PKHD1L1: variants seen among roughly 807,000 people sequenced by gnomAD.
The protein encoded by PKHD1L1 is fibrocystin-L.
PKHD1L1 carries 434 observed loss-of-function variants against 462.9 expected under a neutral mutation model. The observed-to-expected ratio is 0.94, with a 90% CI of 0.87 to 1.02. The LOEUF (loss-of-function observed/expected upper bound fraction) is 1.02, where lower values mean the gene tolerates loss of function less well. PKHD1L1 is among the 50% of genes least tolerant of loss of function. The pLI is 0.00. For synonymous variants in PKHD1L1, 1,781 were observed against 1,750.0 expected (o/e 1.02, Z -0.44); for missense variants, 5,202 against 5,096.1 (o/e 1.02, Z -0.63).
rs749591398 is a variant in PKHD1L1, at chr8:109,362,552, G to A, written c.-29G>A. 4 of 1,581,280 alleles carry A rather than the reference G, an allele frequency of 2.5e-6. No homozygotes were observed. The Admixed American group carries it at 5.4e-5, about 21-fold the overall frequency. On this transcript the variant is annotated 5_prime_UTR_variant, in exon 1 of 78. Coordinates refer to ENST00000378402, the MANE Select transcript of PKHD1L1 (RefSeq NM_177531.6). ...GCACTAGAGCCAGCTGCGAGCGGAGGGCACCAACTCCGCAGAACTGGCTTT... is the reference window on the plus strand; with the variant it reads ...GCACTAGAGCCAGCTGCGAGCGGAGAGCACCAACTCCGCAGAACTGGCTTT...
chr8:109,387,345 G>A (rs1332830728), intron 6 of PKHD1L1, among the ~76,000 whole-genome samples: 2 of 152,160 alleles, frequency 1.3e-5, no homozygotes, highest in Non-Finnish European at 2.9e-5. Context: ...AAATAGGGTG[G>A]TTTTACTCTA....
rs531564610 is a variant in PKHD1L1 at position 109,535,361 on chromosome 8, T to G, written c.*5271T>G. On this transcript the variant is annotated 3_prime_UTR_variant, in exon 78 of 78. Coordinates refer to ENST00000378402, the MANE Select transcript of PKHD1L1 (RefSeq NM_177531.6). Reference sequence around the variant, plus strand: ...ATAAATTCTTAGGAAGAAAATAAATTTATTAAGTTTTTCACATCAAAAATT... The same window carrying G: ...ATAAATTCTTAGGAAGAAAATAAATGTATTAAGTTTTTCACATCAAAAATT... Among the ~76,000 whole-genome samples the G allele has an allele frequency of 2.6e-5, 4 of 152,332 alleles. No individual in the cohort carries two copies. In the East Asian group the frequency reaches 7.7e-4, roughly 29 times the overall value.
Position 109,448,506 on chromosome 8 carries a change from T to G in PKHD1L1, c.6025+115T>G, listed in dbSNP as rs1457808203. ...ACACATAAAATTTCTAGTGTTTTTT[T>G]TGTTTGTTTGGTTTTTTTTTTTTGA... On this transcript the variant is annotated intron_variant, in intron 39 of 77. Transcript: ENST00000378402. The G allele has an allele frequency of 4.1e-6, 5 of 1,220,466 alleles. No individual in the cohort carries two copies. The African/African-American group carries it at 5.0e-5, about 12-fold the overall frequency. 75.6% of individuals were successfully genotyped at this position (1,220,466 alleles called of 1,614,324 possible). A position where few individuals can be genotyped will look rare whatever the true frequency, so the allele number is the denominator to read the frequency against.
intron 43 of PKHD1L1, 60 bp downstream of exon 43, chr8:109,452,934 T>C: frequency 2.4e-6 from 3 of 1,240,054 alleles, no homozygotes; most frequent in Non-Finnish European, 3.1e-6. Flanking sequence ...GTGAAACTGA[T>C]TTAATCAAAA....
At chr8:109,421,605 AC>A (rs1485067743) in intron 23 of PKHD1L1, among the ~76,000 whole-genome samples, 9 of 151,842 alleles carry the variant, frequency 5.9e-5, no homozygotes, top group South Asian at 2.1e-4. Flanking sequence ...ACATGGTGAA[AC>A]CCCATCTCCA....
At chr8:109,379,464 A>G (rs745889162) in intron 2 of PKHD1L1, among the ~76,000 whole-genome samples, 1 of 152,264 alleles carries the variant, frequency 6.6e-6, no homozygotes, top group East Asian at 1.9e-4. Context: ...GTAGCTTAGT[A>G]GAATGATGGA....
Position 109,485,027 on chromosome 8 carries a change from A to C in PKHD1L1, c.9577-17A>C, listed in dbSNP as rs750129155. 2.6e-6 allele frequency: 4 copies of C among 1,562,116 alleles called. No homozygotes were observed. Among genetic ancestry groups the C allele is most frequent in the Non-Finnish European group, 3.4e-6 (4 of 1,159,810 alleles). On this transcript the variant is annotated splice_polypyrimidine_tract_variant and intron_variant, in intron 57 of 77. Transcript: ENST00000378402. The stretch of plus-strand genomic sequence containing the variant: ...TTTTAAAATTGTTCTTAAATTTGGC[A>C]CTTGAATTTTTCTAAGGAGGGAGAA...
chr8:109,435,434 A>G (rs1305800061), intron 29 of PKHD1L1, 80 bp downstream of exon 29: 2 of 1,441,694 alleles, frequency 1.4e-6, no homozygotes, highest in Non-Finnish European at 1.9e-6. Context: ...TACAGGGTGA[A>G]GGGAGAGGAT....
At chr8:109,424,599 A>T (rs924568732) in intron 23 of PKHD1L1, among the ~76,000 whole-genome samples, 1 of 152,266 alleles carries the variant, frequency 6.6e-6, no homozygotes, top group East Asian at 1.9e-4. Flanking sequence ...ACTGAACATT[A>T]AACAAGTATT....
chr8:109,443,551 G>A (rs1373071386), intron 36 of PKHD1L1, 125 bp from the exon 37 acceptor site: 16 of 778,150 alleles, frequency 2.1e-5, no homozygotes, highest in Non-Finnish European at 3.2e-5. Context: ...TTGTCATTTT[G>A]TTTTTCAAAA....
chr8:109,397,276 T>A lies in PKHD1L1; in HGVS notation c.922+1139T>A, dbSNP rs140650719. Among the ~76,000 whole-genome samples the A allele has an allele frequency of 5.1e-3, 776 of 152,280 alleles. 9 individuals carry two copies. Among genetic ancestry groups the A allele is most frequent in the African/African-American group, 0.018 (747 of 41,558 alleles). On this transcript the variant is annotated intron_variant, in intron 11 of 77. Coordinates refer to ENST00000378402, the MANE Select transcript of PKHD1L1 (RefSeq NM_177531.6). ...TCAATAATCTCTTGAAAACATGATG[T>A]TTATGTGTCTTTCCTTTGCTTCCAA... is the stretch of plus-strand genomic sequence containing the variant.
At chr8:109,450,327 T>A (rs995780179) in intron 40 of PKHD1L1, among the ~76,000 whole-genome samples, 1 of 152,190 alleles carries the variant, frequency 6.6e-6, no homozygotes, top group African/African-American at 2.4e-5. Flanking sequence ...GTGAACACAT[T>A]TTTTAAAACC....
At position 109,410,726 on chromosome 8, in the gene PKHD1L1, C is replaced by CTTTTTTTTTTTTTTTTTTGTTTTTTTT. The variant is rs1813800320; in HGVS notation, c.2085+766_2085+767insGTTTTTTTTTTTTTTTTTTTTTTTTTT. On this transcript the variant is annotated intron_variant, in intron 19 of 77. Coordinates refer to ENST00000378402, the MANE Select transcript of PKHD1L1 (RefSeq NM_177531.6). ...TTCTTTTTTCTTTTCTTTTCTTTTT[C>CTTTTTTTTTTTTTTTTTTGTTTTTTTT]TTTTTTTTTTTTTTTTTTTTTGAGA... 4.4e-5 allele frequency among the ~76,000 whole-genome samples: 3 copies of CTTTTTTTTTTTTTTTTTTGTTTTTTTT among 68,386 alleles called. 1 individual carries two copies. The highest frequency in any genetic ancestry group is 8.2e-5 in the African/African-American group (1 of 12,264). 44.9% of individuals were successfully genotyped at this position (68,386 alleles called of 152,430 possible). A position where few individuals can be genotyped will look rare whatever the true frequency, so the allele number is the denominator to read the frequency against.
Position 109,479,652 on chromosome 8 carries a change from A to G in PKHD1L1, c.9178+13A>G, listed in dbSNP as rs1375698971. On this transcript the variant is annotated intron_variant, in intron 54 of 77. Transcript: ENST00000378402. Reference sequence around the variant, plus strand: ...ATTATACCTGAAGGTAAATGCGTAAACACAAATGAATGAAATGTTTGTTTT... The same window carrying G: ...ATTATACCTGAAGGTAAATGCGTAAGCACAAATGAATGAAATGTTTGTTTT... The G allele has an allele frequency of 7.1e-7, 1 of 1,404,704 alleles. No homozygotes were observed. The highest frequency in any genetic ancestry group is 1.4e-5 in the African/African-American group (1 of 69,968). The allele number at this position is 1,404,704 out of a possible 1,614,324, so 87.0% of individuals were successfully genotyped here.
intron 71 of PKHD1L1, among the ~76,000 whole-genome samples, chr8:109,512,251 T>C (rs1447117846): frequency 1.3e-5 from 2 of 152,156 alleles, no homozygotes; most frequent in Admixed American, 6.5e-5. Flanking sequence ...TTTGGTGTTT[T>C]AGACATGAAG....
chr8:109,412,458 C>T, intron 20 of PKHD1L1, 44 bp downstream of exon 20: 1 of 1,502,758 alleles, frequency 6.7e-7, no homozygotes. Flanking sequence ...TGGAAAATAC[C>T]TTGGTAATAA....
At chr8:109,410,982 C>T (rs1813829796) in intron 19 of PKHD1L1, among the ~76,000 whole-genome samples, 1 of 151,844 alleles carries the variant, frequency 6.6e-6, no homozygotes, top group Non-Finnish European at 1.5e-5. Context: ...ACGTCTTGGC[C>T]TCCCAAAGTG....
chr8:109,386,017 C>T (rs1244475585), intron 6 of PKHD1L1, among the ~76,000 whole-genome samples: 2 of 152,100 alleles, frequency 1.3e-5, no homozygotes, highest in East Asian at 1.9e-4. Context: ...AAAGCTTAGT[C>T]AGGGTCAGGA....
Position 109,452,292 on chromosome 8 carries a change from G to T in PKHD1L1, c.6507+12G>T. On this transcript the variant is annotated intron_variant, in intron 42 of 77. Transcript: ENST00000378402. ...GCATGGCCAAACTGGTAATAGTGCT[G>T]TTGGGTATAGTAATCACAGCAATAG... 1 of 1,569,866 alleles carries T rather than the reference G, an allele frequency of 6.4e-7. No individual in the cohort carries two copies. The highest frequency in any genetic ancestry group is 8.7e-7 in the Non-Finnish European group (1 of 1,155,160).
Sources: gnomAD v4.1 joint callset for allele counts (sites outside exome capture counted in the v4.1 genomes callset) on GRCh38, gnomAD v4.1.1 for gene constraint, MANE v1.5 for transcripts, NCBI Gene and HGNC (gene_info 2026-07-23, HGNC 2026-07-21) for gene names.